Variants in EFCAB5 observed in about 807,000 individuals in gnomAD.
EFCAB5 encodes EF-hand calcium binding domain 5.
EFCAB5 carries 131 observed loss-of-function variants against 167.9 expected under a neutral mutation model. The ratio of observed to expected loss-of-function variants is 0.78; its 90% CI spans 0.68 to 0.90. The LOEUF (loss-of-function observed/expected upper bound fraction) is 0.90, where lower values mean the gene tolerates loss of function less well. Ranked by LOEUF, EFCAB5 falls within the 40% of genes least tolerant of loss-of-function variation. EFCAB5 has a pLI of 0.00. For synonymous variants in EFCAB5, 574 were observed against 602.8 expected (o/e 0.95, Z 0.70); for missense variants, 1,663 against 1,745.2 (o/e 0.95, Z 0.84).
chr17:30,022,342 C>G (rs755417431), intron 7 of EFCAB5, among the ~76,000 whole-genome samples: 1 of 152,104 alleles, frequency 6.6e-6, no homozygotes, highest in African/African-American at 2.4e-5. Flanking sequence ...CACAGACATA[C>G]TGGATTGGAC....
chr17:29,976,684 C>G (rs1404906709), intron 4 of EFCAB5, among the ~76,000 whole-genome samples: 1 of 152,048 alleles, frequency 6.6e-6, no homozygotes, highest in Non-Finnish European at 1.5e-5. Context: ...ATGAAATTTT[C>G]CTGAATTATA....
At chr17:30,085,106 C>T (rs2071061727) in intron 18 of EFCAB5, among the ~76,000 whole-genome samples, 2 of 152,098 alleles carry the variant, frequency 1.3e-5, no homozygotes, top group Admixed American at 1.3e-4. Context: ...CCTTAAATTA[C>T]CCAGCTGTGG....
chr17:29,984,038 G>C (rs1404549738), intron 4 of EFCAB5, among the ~76,000 whole-genome samples: 2 of 151,986 alleles, frequency 1.3e-5, no homozygotes, highest in African/African-American at 2.4e-5. Context: ...TTACTTATCT[G>C]TTCTGCCATT....
At position 30,080,055 on chromosome 17, in the gene EFCAB5, G is replaced by A. The variant is rs1421198716; in HGVS notation, c.3028-17G>A. 4 of 1,592,774 alleles carry A rather than the reference G, an allele frequency of 2.5e-6. No individual in the cohort carries two copies. Among genetic ancestry groups the A allele is most frequent in the Non-Finnish European group, 3.4e-6 (4 of 1,171,014 alleles). On this transcript the variant is annotated splice_polypyrimidine_tract_variant and intron_variant, in intron 15 of 22. Coordinates refer to ENST00000394835, the MANE Select transcript of EFCAB5 (RefSeq NM_198529.4). ...TTGGCTGTTGGCAAACACATGGTCG[G>A]AAACGTTTTGCTGTAGGATGCTGAA...
intron 8 of EFCAB5, among the ~76,000 whole-genome samples, chr17:30,048,491 CTT>C (rs748404709): frequency 7.0e-6 from 1 of 142,810 alleles, no homozygotes. Flanking sequence ...GAGGATACTT[CTT>C]TTTTTTTTTT....
intron 13 of EFCAB5, among the ~76,000 whole-genome samples, chr17:30,058,503 G>C (rs942273221): frequency 4.6e-5 from 7 of 151,784 alleles, no homozygotes; most frequent in African/African-American, 9.7e-5. Flanking sequence ...AAATCAAAAG[G>C]TGTATATTCA....
chr17:30,049,479 C>CAAAACAAAAACA, intron 8 of EFCAB5, among the ~76,000 whole-genome samples: 1 of 141,358 alleles, frequency 7.1e-6, no homozygotes, highest in Admixed American at 7.2e-5. Context: ...GACTGTGTCT[C>CAAAACAAAAACA]AAAACAAAAA....
intron 22 of EFCAB5, among the ~76,000 whole-genome samples, chr17:30,096,677 A>ATATATTTTTTTT (rs1193558323): frequency 1.2e-4 from 7 of 60,122 alleles, no homozygotes; most frequent in African/African-American, 5.9e-4. Context: ...ATATATATAT[A>ATATATTTTTTTT]TTTTTTTTTT....
intron 14 of EFCAB5, among the ~76,000 whole-genome samples, chr17:30,077,360 T>TGGGTGCATATGC (rs1210100808): frequency 1.3e-5 from 2 of 151,954 alleles, no homozygotes; most frequent in Non-Finnish European, 2.9e-5. Context: ...TTTAGAAGTG[T>TGGGTGCATATGC]GTGTGCATAT....
In EFCAB5 at chr17:30,080,781, A is replaced by G. The variant is rs779439990; in HGVS notation, c.3226A>G (p.Ile1076Val). The change falls in exon 17 of 23, where the codon ATC (isoleucine) becomes GTC (valine). Residue 1076 changes from isoleucine to valine, a missense_variant. Physicochemically the swap from Ile to Val is conservative, Grantham distance 29. Transcript: ENST00000394835. ...SFTVVDEGKP[I>V]HVPQVQYHGN... The stretch of plus-strand genomic sequence containing the variant: ...TACAGTAGTGGATGAAGGGAAGCCA[A>G]TCCATGTTCCCCAAGTTCAGTACCA... The G allele has an allele frequency of 2.4e-5, 39 of 1,609,630 alleles. No individual in the cohort carries two copies. The highest frequency in any genetic ancestry group is 2.9e-5 in the Non-Finnish European group (34 of 1,177,894).
chr17:29,946,853 A>C (rs1410036954), intron 3 of EFCAB5, among the ~76,000 whole-genome samples: 1 of 152,230 alleles, frequency 6.6e-6, no homozygotes, highest in African/African-American at 2.4e-5. Flanking sequence ...ACACCTGCAT[A>C]TGTATGTTTA....
intron 14 of EFCAB5, chr17:30,073,108 T>G (rs1235467331): frequency 1.4e-6 from 1 of 691,084 alleles, no homozygotes; most frequent in Non-Finnish European, 2.6e-6. Context: ...CAGGCTGGAG[T>G]GCAGTGGCGC....
intron 4 of EFCAB5, among the ~76,000 whole-genome samples, chr17:29,986,998 C>G (rs781213394): frequency 1.3e-5 from 2 of 152,162 alleles, no homozygotes; most frequent in South Asian, 4.2e-4. Flanking sequence ...TGTAACTGTG[C>G]CATAGAGTGA....
In EFCAB5 at chr17:29,968,783, C is replaced by T. The variant is rs199734401; in HGVS notation, c.191-8C>T. The T allele has an allele frequency of 1.3e-3, 1,881 of 1,444,508 alleles. 2 individuals carry two copies. Among genetic ancestry groups the T allele is most frequent in the Non-Finnish European group, 1.6e-3 (1,786 of 1,097,000 alleles). The allele number at this position is 1,444,508 out of a possible 1,614,324, so 89.5% of individuals were successfully genotyped here. On this transcript the variant is annotated splice_polypyrimidine_tract_variant and splice_region_variant and intron_variant, in intron 3 of 22. Transcript: ENST00000394835. ...CATTTCTTACATTTCACTTTTTTTT[C>T]CCCTCAGAATTAAACCTGGAGGGGC...
chr17:30,057,600 C>T, intron 12 of EFCAB5, 76 bp from the exon 13 acceptor site: 2 of 1,240,562 alleles, frequency 1.6e-6, no homozygotes, highest in South Asian at 2.7e-5. Flanking sequence ...ATATTCATTA[C>T]AATAGGCACT....
intron 3 of EFCAB5, among the ~76,000 whole-genome samples, chr17:29,954,084 A>G (rs576674474): frequency 6.6e-6 from 1 of 152,350 alleles, no homozygotes; most frequent in South Asian, 2.1e-4. Flanking sequence ...GAAGCAGAGC[A>G]TAAAAGTTTG....
intron 3 of EFCAB5, among the ~76,000 whole-genome samples, chr17:29,951,407 C>T (rs776544552): frequency 3.6e-4 from 55 of 152,122 alleles, no homozygotes; most frequent in African/African-American, 1.2e-3. Context: ...GGGCGATCTC[C>T]GCTCACTGCA....
chr17:30,026,036 G>A lies in EFCAB5; in HGVS notation c.1045-8194G>A, dbSNP rs1251638928. Among the ~76,000 whole-genome samples the A allele has an allele frequency of 2.0e-5, 3 of 151,974 alleles. No individual in the cohort carries two copies. In the East Asian group the frequency reaches 5.8e-4, roughly 29 times the overall value. The stretch of plus-strand genomic sequence containing the variant: ...GATTGTTGTGGGGTGGGCGGAGGGG[G>A]GAGGGATAGCATTAGGAGATATACC... On this transcript the variant is annotated intron_variant, in intron 7 of 22. Transcript: ENST00000394835.
chr17:30,056,609 C>A (rs1458022914), intron 12 of EFCAB5, among the ~76,000 whole-genome samples: 3 of 152,176 alleles, frequency 2.0e-5, no homozygotes, highest in African/African-American at 7.2e-5. Flanking sequence ...CTCAACAGAG[C>A]AGAGTAGTTT....
Sources: gnomAD v4.1 joint callset for allele counts (sites outside exome capture counted in the v4.1 genomes callset) on GRCh38, gnomAD v4.1.1 for gene constraint, MANE v1.5 for transcripts, NCBI Gene and HGNC (gene_info 2026-07-23, HGNC 2026-07-21) for gene names.